GTF2IRD2B: variants seen among roughly 807,000 people sequenced by gnomAD.
GTF2IRD2B encodes GTF2I repeat domain containing 2B, also known as general transcription factor II-I repeat domain-containing protein 2B.
Under a neutral mutation model 55.6 loss-of-function variants are expected in GTF2IRD2B, and 10 were observed. That is an observed-to-expected ratio of 0.18 (90% confidence interval 0.11 to 0.31). The LOEUF (loss-of-function observed/expected upper bound fraction) is 0.31. Among genes scored for constraint, GTF2IRD2B ranks in the 10% least tolerant of loss-of-function variants. The probability of loss-of-function intolerance (pLI) is 1.00; values close to 1 mark genes in which losing one functional copy is unlikely to be tolerated. For synonymous variants in GTF2IRD2B, 107 were observed against 320.5 expected, an observed-to-expected ratio of 0.33 and a Z score of 7.12; for missense variants, 206 against 802.7, an observed-to-expected ratio of 0.26 and a Z score of 8.98.
intron 8 of GTF2IRD2B, among the ~76,000 whole-genome samples, chr7:75,130,510 C>T (rs1415166050): frequency 3.3e-5 from 5 of 151,254 alleles, no homozygotes; most frequent in African/African-American, 1.2e-4. Flanking sequence ...GACAGAGTCT[C>T]GCTGTCGCCC....
chr7:75,103,134 C>T (rs1807635373), intron 1 of GTF2IRD2B, among the ~76,000 whole-genome samples: 2 of 151,974 alleles, frequency 1.3e-5, no homozygotes, highest in Non-Finnish European at 2.9e-5. Context: ...GAAAACTTAG[C>T]TGGGCCCGGT....
chr7:75,104,303 A>AG (rs1158226944), intron 1 of GTF2IRD2B, among the ~76,000 whole-genome samples: 2,834 of 151,158 alleles, frequency 0.019, no homozygotes, highest in Non-Finnish European at 0.024. Flanking sequence ...TTAGTAGAGA[A>AG]GGGGGGGGTC....
chr7:75,135,319 A>G (rs1554453420), intron 10 of GTF2IRD2B, among the ~76,000 whole-genome samples: 1 of 151,632 alleles, frequency 6.6e-6, no homozygotes, highest in East Asian at 1.9e-4. Context: ...TTTTTAGTAG[A>G]GACGGGATTT....
intron 11 of GTF2IRD2B, among the ~76,000 whole-genome samples, chr7:75,137,138 G>T (rs1196974381): frequency 5.2e-4 from 79 of 151,122 alleles, no homozygotes; most frequent in Non-Finnish European, 1.0e-3. Context: ...GAGAGGCGGA[G>T]GTTGCAGTGA....
In GTF2IRD2B at chr7:75,149,401, G is replaced by C; in HGVS notation, c.*104G>C. 1.3e-6 allele frequency: 1 copy of C among 773,310 alleles called. No individual in the cohort carries two copies. The highest frequency in any genetic ancestry group is 2.4e-6 in the Non-Finnish European group (1 of 416,116). 47.9% of individuals were successfully genotyped at this position (773,310 alleles called of 1,614,324 possible). ...AATGAATTTTTTTTTTCTTTTTTGA[G>C]ATGGAGTCTTGCTCTGTCGCCCAGG... On this transcript the variant is annotated 3_prime_UTR_variant, in exon 16 of 16. Transcript: ENST00000472837.
In GTF2IRD2B at chr7:75,123,077, A is replaced by C. The variant is rs1459871456; in HGVS notation, c.359-59A>C. On this transcript the variant is annotated intron_variant, in intron 4 of 15. Coordinates refer to ENST00000472837, the MANE Select transcript of GTF2IRD2B (RefSeq NM_001003795.3). The stretch of plus-strand genomic sequence containing the variant: ...CAAAACAAAAAACAAAAAACAAAAA[A>C]AAAAAACTGGTAGAACGTTAGGTTC... 35 of 1,567,824 alleles carry C rather than the reference A, an allele frequency of 2.2e-5. 1 individual carries two copies. Among genetic ancestry groups the C allele is most frequent in the Admixed American group, 7.9e-5 (4 of 50,514 alleles).
At chr7:75,104,298 A>G (rs1437765136) in intron 1 of GTF2IRD2B, among the ~76,000 whole-genome samples, 1 of 151,938 alleles carries the variant, frequency 6.6e-6, no homozygotes, top group African/African-American at 2.4e-5. Flanking sequence ...AATTTTTAGT[A>G]GAGAAGGGGG....
intron 1 of GTF2IRD2B, among the ~76,000 whole-genome samples, chr7:75,104,163 C>A (rs1807684128): frequency 7.4e-6 from 1 of 135,928 alleles, no homozygotes; most frequent in Non-Finnish European, 1.6e-5. Flanking sequence ...TACTCTGTTG[C>A]CCCACCTGGA....
chr7:75,116,898 G>A lies in GTF2IRD2B; in HGVS notation c.239-3993G>A, dbSNP rs587671008. Among the ~76,000 whole-genome samples, 16 of 151,524 alleles carry A rather than the reference G, an allele frequency of 1.1e-4. No homozygotes were observed. The East Asian group carries it at 1.6e-3, about 15-fold the overall frequency. ...GACCTCAAGTGATCTGCCTGCCTCC[G>A]CCTCCCAAAGTGCTGGGATTACAGG... On this transcript the variant is annotated intron_variant, in intron 3 of 15. Coordinates refer to ENST00000472837, the MANE Select transcript of GTF2IRD2B (RefSeq NM_001003795.3).
chr7:75,109,308 G>A (rs1156331855), intron 2 of GTF2IRD2B, among the ~76,000 whole-genome samples: 3 of 145,030 alleles, frequency 2.1e-5, no homozygotes, highest in African/African-American at 7.4e-5. Flanking sequence ...TGGGTAGCTG[G>A]GATTATAGGC....
intron 11 of GTF2IRD2B, among the ~76,000 whole-genome samples, chr7:75,137,158 TCAC>T (rs1808866692): frequency 6.7e-6 from 1 of 149,820 alleles, no homozygotes; most frequent in East Asian, 1.9e-4. Flanking sequence ...AGCTGAGATC[TCAC>T]CACTGTACTG....
At chr7:75,134,013 C>T (rs1363198228) in intron 9 of GTF2IRD2B, among the ~76,000 whole-genome samples, 1 of 126,930 alleles carries the variant, frequency 7.9e-6, no homozygotes, top group East Asian at 2.0e-4. Context: ...CCTGAACTGA[C>T]TGGTCACTGG....
intron 3 of GTF2IRD2B, among the ~76,000 whole-genome samples, chr7:75,114,719 A>G (rs1173325293): frequency 6.6e-6 from 1 of 151,616 alleles, no homozygotes; most frequent in Non-Finnish European, 1.5e-5. Context: ...TAATTTACAT[A>G]GGATAATGGC....
At chr7:75,114,361 G>A (rs1158764820) in intron 3 of GTF2IRD2B, among the ~76,000 whole-genome samples, 9 of 151,184 alleles carry the variant, frequency 6.0e-5, no homozygotes, top group Non-Finnish European at 1.0e-4. Context: ...TTTTGTTGTC[G>A]CAAATATTTT....
At chr7:75,101,979 A>G (rs1554421960) in intron 1 of GTF2IRD2B, among the ~76,000 whole-genome samples, 2 of 151,426 alleles carry the variant, frequency 1.3e-5, no homozygotes, top group Non-Finnish European at 2.9e-5. Flanking sequence ...GAGTTGTACA[A>G]CTATCATCAC....
Position 75,134,849 on chromosome 7 carries a change from G to A in GTF2IRD2B, c.749-152G>A, listed in dbSNP as rs1808785821. 7 of 1,301,470 alleles carry A rather than the reference G, an allele frequency of 5.4e-6. No homozygotes were observed. The South Asian group carries it at 9.8e-5, about 18-fold the overall frequency. 80.6% of individuals were successfully genotyped at this position (1,301,470 alleles called of 1,614,324 possible). A position where few individuals can be genotyped will look rare whatever the true frequency, so the allele number is the denominator to read the frequency against. On this transcript the variant is annotated intron_variant, in intron 9 of 15. Coordinates refer to ENST00000472837, the MANE Select transcript of GTF2IRD2B (RefSeq NM_001003795.3). ...CCCAGAGTGCTGAGATTACAGGCGT[G>A]AGTTACCGCGCGCAGCCAGTTTTAT...
intron 1 of GTF2IRD2B, among the ~76,000 whole-genome samples, chr7:75,106,094 A>G (rs1445120068): frequency 6.6e-6 from 1 of 152,308 alleles, no homozygotes; most frequent in Non-Finnish European, 1.5e-5. Flanking sequence ...TGACCTCCAC[A>G]CTTAGCTCCC....
intron 3 of GTF2IRD2B, among the ~76,000 whole-genome samples, chr7:75,114,717 A>G (rs1395973411): frequency 6.6e-6 from 1 of 151,648 alleles, no homozygotes; most frequent in Non-Finnish European, 1.5e-5. Flanking sequence ...ATTAATTTAC[A>G]TAGGATAATG....
chr7:75,119,712 G>A (rs1808304715), intron 3 of GTF2IRD2B, among the ~76,000 whole-genome samples: 2 of 138,170 alleles, frequency 1.4e-5, no homozygotes, highest in Admixed American at 7.4e-5. Context: ...TGGAGACTCA[G>A]GGGTGGGAGG....
Sources: gnomAD v4.1 joint callset for allele counts (sites outside exome capture counted in the v4.1 genomes callset) on GRCh38, gnomAD v4.1.1 for gene constraint, MANE v1.5 for transcripts, NCBI Gene and HGNC (gene_info 2026-07-23, HGNC 2026-07-21) for gene names.